Variants in NGEF observed in about 807,000 individuals in gnomAD.
The protein encoded by NGEF is neuronal guanine nucleotide exchange factor.
Under a neutral mutation model 80.9 loss-of-function variants are expected in NGEF, and 31 were observed. The ratio of observed to expected loss-of-function variants is 0.38; its 90% CI spans 0.29 to 0.52. NGEF has a LOEUF of 0.52. Among genes scored for constraint, NGEF ranks in the 20% least tolerant of loss-of-function variants. NGEF has a pLI of 0.84. For synonymous variants in NGEF, 371 were observed against 370.2 expected (o/e 1.00, Z -0.03); for missense variants, 709 against 926.2 (o/e 0.77, Z 3.04).
intron 8 of NGEF, 77 bp downstream of exon 8, chr2:232,891,281 A>G: frequency 1.3e-6 from 2 of 1,574,518 alleles, no homozygotes; most frequent in Non-Finnish European, 1.7e-6. Flanking sequence ...GACCTCCTAG[A>G]AAGCTGACAG....
chr2:232,993,267 G>C (rs1210701198), intron 1 of NGEF, among the ~76,000 whole-genome samples: 2 of 59,844 alleles, frequency 3.3e-5, no homozygotes, highest in Non-Finnish European at 6.8e-5. Flanking sequence ...CCATATATAT[G>C]AATTGGCATG....
Position 232,892,042 on chromosome 2 carries a change from G to C in NGEF, c.1143-555C>G, listed in dbSNP as rs1016796802. ...GTGCTCAGCCTGTCACTCAGCCTCT[G>C]TGCTCACACGGCCTGGCGGGGGCCA... On this transcript the variant is annotated intron_variant, in intron 7 of 14. Coordinates refer to ENST00000264051, the MANE Select transcript of NGEF (RefSeq NM_019850.3). This position sits in a 1 kb window ranked among gnomAD's most constrained non-coding sequence, Gnocchi z 4.0. Among the ~76,000 whole-genome samples, 1 of 151,996 alleles carries C rather than the reference G, an allele frequency of 6.6e-6. No individual in the cohort carries two copies. Among genetic ancestry groups the C allele is most frequent in the Non-Finnish European group, 1.5e-5 (1 of 68,042 alleles).
chr2:232,949,551 C>A (rs540307184), intron 3 of NGEF, among the ~76,000 whole-genome samples: 1 of 151,594 alleles, frequency 6.6e-6, no homozygotes, highest in East Asian at 1.9e-4. Context: ...GATCTCGGCT[C>A]ACTGCAACGT....
chr2:232,942,904 CTT>C (rs60735452), intron 3 of NGEF, among the ~76,000 whole-genome samples: 21,885 of 117,726 alleles, frequency 0.19, 1,806 homozygotes, highest in Middle Eastern at 0.23. Flanking sequence ...AGTGAAATTT[CTT>C]TTTTTTTTTT....
rs115595881 is a variant in NGEF, at chr2:233,001,041, C to T, written c.-75+12027G>A. 7.5e-3 allele frequency among the ~76,000 whole-genome samples: 1,135 copies of T among 152,288 alleles called. 15 individuals are homozygous for T. Among genetic ancestry groups the T allele is most frequent in the African/African-American group, 0.025 (1,045 of 41,570 alleles). ...CCCCTTCCTTGGGAGCTGCCTTGTCCTCAGCCCTGGAGGGGGCTTCCCCCC... is the reference window on the plus strand; with the variant it reads ...CCCCTTCCTTGGGAGCTGCCTTGTCTTCAGCCCTGGAGGGGGCTTCCCCCC... On this transcript the variant is annotated intron_variant, in intron 1 of 14. Transcript: ENST00000264051.
intron 7 of NGEF, 77 bp from the exon 8 acceptor site, chr2:232,891,564 G>A (rs995660446): frequency 6.7e-6 from 10 of 1,491,554 alleles, no homozygotes; most frequent in Middle Eastern, 2.1e-4. Flanking sequence ...CCCATCCACA[G>A]CCTCCCAGGA....
At chr2:232,915,209 T>C (rs1369685577) in intron 5 of NGEF, among the ~76,000 whole-genome samples, 1 of 151,572 alleles carries the variant, frequency 6.6e-6, no homozygotes, top group Non-Finnish European at 1.5e-5. Flanking sequence ...ATTTAAAATT[T>C]TTACTTTTGA....
intron 5 of NGEF, among the ~76,000 whole-genome samples, chr2:232,909,470 T>G (rs1421084780): frequency 6.6e-6 from 1 of 152,188 alleles, no homozygotes; most frequent in African/African-American, 2.4e-5. Flanking sequence ...GAGACAGATC[T>G]GCGTTTTAAT....
rs757356334 is a variant in NGEF at position 232,920,336 on chromosome 2, C to T, written c.776G>A (p.Arg259Gln). The change falls in exon 5 of 15, where the codon CGG (arginine) becomes CAG (glutamine). Residue 259 changes from arginine (R) to glutamine (Q), a missense_variant. Transcript: ENST00000264051. ...FNLWQDLPEI[R>Q]SSGVLEILQP... is the part of the protein sequence containing the mutation. ...TAGGATCTCAAGCACCCCGCTGCTCCGGATCTCGGGAAGATCCTGCCAGAG... is the reference window on the plus strand; with the variant it reads ...TAGGATCTCAAGCACCCCGCTGCTCTGGATCTCGGGAAGATCCTGCCAGAG... 1.9e-5 allele frequency: 31 copies of T among 1,614,160 alleles called. No homozygotes were observed. In the East Asian group the frequency reaches 5.3e-4, roughly 28 times the overall value.
intron 1 of NGEF, among the ~76,000 whole-genome samples, chr2:232,978,740 G>A (rs1694348024): frequency 6.6e-6 from 1 of 152,020 alleles, no homozygotes; most frequent in Non-Finnish European, 1.5e-5. Context: ...TGTTGTGTAG[G>A]TGGAGCTGGC....
At chr2:232,929,143 G>A (rs903063808) in intron 3 of NGEF, among the ~76,000 whole-genome samples, 1 of 152,204 alleles carries the variant, frequency 6.6e-6, no homozygotes, top group Non-Finnish European at 1.5e-5. Flanking sequence ...TCCTTTTTAC[G>A]GCCCTGAGGA....
intron 1 of NGEF, among the ~76,000 whole-genome samples, chr2:232,991,205 G>A (rs370123378): frequency 6.6e-6 from 1 of 152,002 alleles, no homozygotes; most frequent in African/African-American, 2.4e-5. Context: ...CACCACTACT[G>A]TTCAAAATTA....
chr2:233,009,186 C>A (rs1007291436), intron 1 of NGEF, among the ~76,000 whole-genome samples: 1 of 152,182 alleles, frequency 6.6e-6, no homozygotes, highest in African/African-American at 2.4e-5. Context: ...TGCTCCACTT[C>A]CTGGCCTCCA....
At chr2:232,882,388 G>A (rs1361499950) in intron 12 of NGEF, 123 bp from the exon 13 acceptor site, 1 of 874,212 alleles carries the variant, frequency 1.1e-6, no homozygotes, top group Non-Finnish European at 1.8e-6. Flanking sequence ...CACCGCTCAA[G>A]CCCACCCCAG....
intron 3 of NGEF, among the ~76,000 whole-genome samples, chr2:232,942,803 A>AAAG (rs1693464673): frequency 2.0e-5 from 3 of 151,546 alleles, no homozygotes; most frequent in Non-Finnish European, 4.4e-5. Context: ...AAAAAAAAAA[A>AAAG]AAAAGAAAAG....
At chr2:232,900,148 G>GTTCACTCACATTCACACACGCT (rs1692263962) in intron 5 of NGEF, among the ~76,000 whole-genome samples, 2 of 87,076 alleles carry the variant, frequency 2.3e-5, no homozygotes, top group Non-Finnish European at 4.4e-5. Flanking sequence ...ACACACACAC[G>GTTCACTCACATTCACACACGCT]CTCACAGTCA....
chr2:232,955,788 G>A (rs1253026483), intron 3 of NGEF, among the ~76,000 whole-genome samples: 1 of 152,132 alleles, frequency 6.6e-6, no homozygotes, highest in Non-Finnish European at 1.5e-5. Flanking sequence ...CACAGTGCTG[G>A]GATTATAGGC....
chr2:233,010,514 T>C (rs571213195), intron 1 of NGEF, among the ~76,000 whole-genome samples: 1 of 152,322 alleles, frequency 6.6e-6, no homozygotes, highest in East Asian at 1.9e-4. Flanking sequence ...ACCTCCTCCA[T>C]GCAGGCCTTG....
At chr2:232,965,760 T>G (rs976923568) in intron 3 of NGEF, among the ~76,000 whole-genome samples, 1 of 152,084 alleles carries the variant, frequency 6.6e-6, no homozygotes, top group Non-Finnish European at 1.5e-5. Context: ...GCTCAGAGAA[T>G]GTAATAGCGA....
Sources: gnomAD v4.1 joint callset for allele counts (sites outside exome capture counted in the v4.1 genomes callset) on GRCh38, gnomAD v4.1.1 for gene constraint, Gnocchi (gnomAD v3.1) non-coding constraint, MANE v1.5 for transcripts, NCBI Gene and HGNC (gene_info 2026-07-23, HGNC 2026-07-21) for gene names.